The following DOCK4 variants were observed in gnomAD, a reference collection of about 807,000 sequenced individuals.
DOCK4 encodes the protein dedicator of cytokinesis 4.
Under a neutral mutation model 268.1 loss-of-function variants are expected in DOCK4, and 97 were observed. The observed-to-expected ratio is 0.36, with a 90% CI of 0.31 to 0.43. The LOEUF (loss-of-function observed/expected upper bound fraction) is 0.43. DOCK4 is among the 20% of genes least tolerant of loss of function. The pLI is 1.00. For synonymous variants in DOCK4, 954 were observed against 887.2 expected (o/e 1.08, Z -1.34); for missense variants, 2,145 against 2,455.7 (o/e 0.87, Z 2.67).
intron 1 of DOCK4, 96 bp downstream of exon 1, chr7:112,206,006 C>T (rs1821375919): frequency 2.1e-6 from 3 of 1,408,532 alleles, no homozygotes; most frequent in East Asian, 2.5e-5. Flanking sequence ...TAGGCATTTT[C>T]AACCGGGCGG....
chr7:112,172,917 C>T (rs575533207), intron 1 of DOCK4, among the ~76,000 whole-genome samples: 1 of 152,292 alleles, frequency 6.6e-6, no homozygotes, highest in East Asian at 1.9e-4. Flanking sequence ...ATGACAGCCT[C>T]ATGTAATGAA....
chr7:112,122,369 G>A (rs1219067880), intron 1 of DOCK4, among the ~76,000 whole-genome samples: 1 of 151,968 alleles, frequency 6.6e-6, no homozygotes, highest in Non-Finnish European at 1.5e-5. Flanking sequence ...TCTACTTTCT[G>A]TTTCTTTGAA....
chr7:112,043,237 TAA>T (rs35235606), intron 1 of DOCK4, among the ~76,000 whole-genome samples: 2,649 of 145,200 alleles, frequency 0.018, 84 homozygotes, highest in African/African-American at 0.06. Context: ...ATCTCCTTTA[TAA>T]AAAAAAAAAA....
intron 26 of DOCK4, among the ~76,000 whole-genome samples, chr7:111,827,659 G>GA (rs941920658): frequency 3.7e-4 from 56 of 151,618 alleles, no homozygotes; most frequent in African/African-American, 1.2e-3. Context: ...ATTACAGATA[G>GA]AAAAAAAATG....
chr7:111,778,326 C>A lies in DOCK4; in HGVS notation c.3629G>T (p.Arg1210Leu), dbSNP rs181180606. The A allele has an allele frequency of 6.2e-7, 1 of 1,612,850 alleles. No homozygotes were observed. Among genetic ancestry groups the A allele is most frequent in the East Asian group, 2.2e-5 (1 of 44,778 alleles). ...TELNKEEMYI[R>L]YIHKLYDLHL... is the part of the protein sequence containing the mutation. ...CAGATCATAGAGTTTGTGAATGTAG[C>A]GTATATACATCTCCTCCTTGTTCAG... is the stretch of plus-strand genomic sequence containing the variant. Residue 1210 changes from arginine (R) to leucine (L), a missense_variant, in exon 36 of 53, where the codon CGC becomes CTC. By Grantham distance (102) the Arg-to-Leu change is moderately radical. Transcript: ENST00000428084.
chr7:112,067,060 T>C (rs1161769425), intron 1 of DOCK4, among the ~76,000 whole-genome samples: 1 of 151,186 alleles, frequency 6.6e-6, no homozygotes, highest in African/African-American at 2.4e-5. Context: ...GCACCTGTGG[T>C]CTCAGCTACT....
intron 14 of DOCK4, 86 bp from the exon 15 acceptor site, chr7:111,900,622 C>A: frequency 7.2e-7 from 1 of 1,384,412 alleles, no homozygotes. Flanking sequence ...GCTCTATCTG[C>A]CTGCCTCTCA....
At chr7:112,202,498 A>T (rs1821032099) in intron 1 of DOCK4, among the ~76,000 whole-genome samples, 2 of 140,806 alleles carry the variant, frequency 1.4e-5, no homozygotes, top group South Asian at 4.9e-4. Flanking sequence ...AATGGTAATT[A>T]TATGAGGTGT....
chr7:112,119,033 G>C (rs879331442), intron 1 of DOCK4, among the ~76,000 whole-genome samples: 4 of 152,186 alleles, frequency 2.6e-5, no homozygotes, highest in South Asian at 2.1e-4. Context: ...TGGGACCAGA[G>C]CTAGTCACTT....
At chr7:112,042,149 G>T (rs1804433522) in intron 1 of DOCK4, among the ~76,000 whole-genome samples, 2 of 152,040 alleles carry the variant, frequency 1.3e-5, no homozygotes, top group South Asian at 4.2e-4. Flanking sequence ...AAAAAAAAAA[G>T]AAAAAAGATT....
At chr7:111,989,197 C>T in intron 5 of DOCK4, 34 bp from the exon 6 acceptor site, 1 of 1,612,270 alleles carries the variant, frequency 6.2e-7, no homozygotes, top group Non-Finnish European at 8.5e-7. Flanking sequence ...ATTTGGCAGT[C>T]AGTACCTATA....
chr7:112,114,482 C>A (rs1811945616), intron 1 of DOCK4, among the ~76,000 whole-genome samples: 1 of 152,122 alleles, frequency 6.6e-6, no homozygotes, highest in African/African-American at 2.4e-5. Context: ...CTGTCAAACA[C>A]CAAAGTCTGA....
intron 35 of DOCK4, among the ~76,000 whole-genome samples, chr7:111,779,491 G>A (rs771863071): frequency 5.3e-5 from 8 of 152,108 alleles, no homozygotes; most frequent in Middle Eastern, 3.2e-3. Context: ...TCCGCCTTCC[G>A]AGTTCAAGTG....
intron 1 of DOCK4, among the ~76,000 whole-genome samples, chr7:112,083,232 T>C (rs1218577694): frequency 6.6e-6 from 1 of 150,988 alleles, no homozygotes; most frequent in Non-Finnish European, 1.5e-5. Flanking sequence ...GATCTTAACA[T>C]AGTTGAAAAT....
intron 1 of DOCK4, among the ~76,000 whole-genome samples, chr7:112,022,969 T>A (rs56309713): frequency 0.016 from 2,436 of 152,192 alleles, 41 homozygotes; most frequent in Non-Finnish European, 0.02. Flanking sequence ...CATGCTGGAG[T>A]GCAGTGGCGT....
intron 16 of DOCK4, among the ~76,000 whole-genome samples, chr7:111,894,997 G>T (rs1808621754): frequency 1.3e-5 from 2 of 152,100 alleles, no homozygotes; most frequent in Non-Finnish European, 2.9e-5. Flanking sequence ...GGAATATTTT[G>T]GAGAAAATTG....
At position 111,984,399 on chromosome 7, in the gene DOCK4, C is replaced by G; in HGVS notation, c.465-9G>C. 6.2e-7 allele frequency: 1 copy of G among 1,609,190 alleles called. No homozygotes were observed. Among genetic ancestry groups the G allele is most frequent in the African/African-American group, 1.3e-5 (1 of 74,824 alleles). On this transcript the variant is annotated splice_polypyrimidine_tract_variant and intron_variant, in intron 6 of 52. Coordinates refer to ENST00000428084, the MANE Select transcript of DOCK4 (RefSeq NM_001363540.2). ...GGTCCAGTCCCAGTTGTCTAGAAAA[C>G]AAATTGCAAAAGTTTGGGGGAAAAG... is the stretch of plus-strand genomic sequence containing the variant.
intron 8 of DOCK4, among the ~76,000 whole-genome samples, chr7:111,974,679 C>T (rs964495674): frequency 6.6e-6 from 1 of 151,680 alleles, no homozygotes; most frequent in African/African-American, 2.4e-5. Context: ...GGCATGGCAG[C>T]CCAGCCACAT....
chr7:112,074,397 G>A (rs576486476), intron 1 of DOCK4, among the ~76,000 whole-genome samples: 10 of 152,254 alleles, frequency 6.6e-5, no homozygotes, highest in South Asian at 6.2e-4. Context: ...AGCCAAACAG[G>A]AAGAAGGCAT....
Sources: gnomAD v4.1 joint callset for allele counts (sites outside exome capture counted in the v4.1 genomes callset) on GRCh38, gnomAD v4.1.1 for gene constraint, MANE v1.5 for transcripts, NCBI Gene and HGNC (gene_info 2026-07-23, HGNC 2026-07-21) for gene names.